The following RYR2 variants were observed in gnomAD, a reference collection of about 807,000 sequenced individuals.
RYR2 encodes the protein ryanodine receptor 2, also known as cardiac muscle ryanodine receptor-calcium release channel.
In RYR2, 227 loss-of-function variants were observed where a neutral mutation model predicts 601.1. The observed-to-expected ratio is 0.38, with a 90% CI of 0.34 to 0.42. The LOEUF (loss-of-function observed/expected upper bound fraction) is 0.42. Ranked by LOEUF, RYR2 falls within the 10% of genes least tolerant of loss-of-function variation. RYR2 has a pLI of 1.00. For synonymous variants in RYR2, 2,223 were observed against 2,175.1 expected, an observed-to-expected ratio of 1.02 and a Z score of -0.61; for missense variants, 4,646 against 6,156.5, an observed-to-expected ratio of 0.75 and a Z score of 8.21.
chr1:237,675,404 T>C (rs2148914385), intron 60 of RYR2, among the ~76,000 whole-genome samples: 1 of 152,296 alleles, frequency 6.6e-6, no homozygotes, highest in South Asian at 2.1e-4. Context: ...GCACAGATGA[T>C]GAAAGCAGCC....
At chr1:237,623,903 T>C in intron 39 of RYR2, 33 bp downstream of exon 39, 1 of 1,380,726 alleles carries the variant, frequency 7.2e-7, no homozygotes, top group Non-Finnish European at 1.0e-6. Context: ...CTTTTATTAA[T>C]TGTATGTTTT....
At chr1:237,753,540 T>G (rs1692703300) in intron 80 of RYR2, among the ~76,000 whole-genome samples, 1 of 152,192 alleles carries the variant, frequency 6.6e-6, no homozygotes, top group South Asian at 2.1e-4. Context: ...TGGAAAAACC[T>G]CCTAACAAGC....
chr1:237,255,932 A>G (rs1252946258), intron 1 of RYR2, among the ~76,000 whole-genome samples: 1 of 151,506 alleles, frequency 6.6e-6, no homozygotes, highest in African/African-American at 2.4e-5. Flanking sequence ...GCCAAGGGGG[A>G]CACAGGAGTG....
At chr1:237,739,227 T>G (rs973193694) in intron 79 of RYR2, among the ~76,000 whole-genome samples, 1 of 152,214 alleles carries the variant, frequency 6.6e-6, no homozygotes, top group Non-Finnish European at 1.5e-5. Context: ...TTTACATCTT[T>G]GTATCTTTCA....
chr1:237,548,596 T>A lies in RYR2; in HGVS notation c.3066+6T>A. The A allele has an allele frequency of 6.2e-7, 1 of 1,613,232 alleles. No homozygotes were observed. The highest frequency in any genetic ancestry group is 8.5e-7 in the Non-Finnish European group (1 of 1,179,498). ...GGACTTATGGCATCCAACAGGTACA[T>A]GGGAATTAGCATTTGGTCTGAGACT... On this transcript the variant is annotated splice_donor_region_variant and intron_variant, in intron 26 of 104. Coordinates refer to ENST00000366574, the MANE Select transcript of RYR2 (RefSeq NM_001035.3).
At chr1:237,425,909 T>G (rs1409239597) in intron 12 of RYR2, among the ~76,000 whole-genome samples, 1 of 152,120 alleles carries the variant, frequency 6.6e-6, no homozygotes, top group East Asian at 1.9e-4. Flanking sequence ...TGAGGATGTA[T>G]AGTAGGTATT....
intron 11 of RYR2, among the ~76,000 whole-genome samples, chr1:237,421,171 G>A (rs918968664): frequency 2.3e-4 from 35 of 152,274 alleles, no homozygotes; most frequent in African/African-American, 6.7e-4. Flanking sequence ...CCCGGGAGGC[G>A]GAGTTTACAG....
chr1:237,249,306 T>A (rs1021904675), intron 1 of RYR2, among the ~76,000 whole-genome samples: 20 of 152,152 alleles, frequency 1.3e-4, no homozygotes, highest in African/African-American at 4.6e-4. Context: ...CTTCCATGAG[T>A]CATACTGACC....
chr1:237,269,459 A>C (rs1377484935), intron 1 of RYR2, among the ~76,000 whole-genome samples: 1 of 151,794 alleles, frequency 6.6e-6, no homozygotes, highest in Admixed American at 6.6e-5. Flanking sequence ...AAGGGCTTCT[A>C]GAATATACTT....
intron 58 of RYR2, 140 bp from the exon 59 acceptor site, chr1:237,673,956 G>A (rs907621428): frequency 3.6e-6 from 2 of 551,570 alleles, no homozygotes; most frequent in Admixed American, 3.3e-5. Flanking sequence ...AAAGGCAGTA[G>A]AGGCAGAAGA....
In RYR2 at chr1:237,371,344, T is replaced by C. The variant is rs148850485; in HGVS notation, c.384+1736T>C. ...CTAATTTTTAAATTTATTGTAGAGA[T>C]GGGAGTCTCACCATCTTTCCTAAGC... On this transcript the variant is annotated intron_variant, in intron 6 of 104. Coordinates refer to ENST00000366574, the MANE Select transcript of RYR2 (RefSeq NM_001035.3). 2.6e-5 allele frequency among the ~76,000 whole-genome samples: 4 copies of C among 152,004 alleles called. No homozygotes were observed. In the East Asian group the frequency reaches 7.8e-4, roughly 30 times the overall value.
At chr1:237,532,735 G>A (rs913859363) in intron 25 of RYR2, among the ~76,000 whole-genome samples, 3 of 152,186 alleles carry the variant, frequency 2.0e-5, no homozygotes, top group Admixed American at 6.5e-5. Context: ...AATGCTATGC[G>A]TGAGTGTGTG....
chr1:237,820,807 G>C (rs576459972), intron 101 of RYR2, among the ~76,000 whole-genome samples: 2 of 150,810 alleles, frequency 1.3e-5, no homozygotes, highest in African/African-American at 4.9e-5. Flanking sequence ...AGCGGTCTGA[G>C]GTTGACCTGG....
chr1:237,129,647 G>T (rs1671936983), intron 1 of RYR2, among the ~76,000 whole-genome samples: 1 of 149,944 alleles, frequency 6.7e-6, no homozygotes, highest in African/African-American at 2.4e-5. Flanking sequence ...GTAGCATAAT[G>T]ATATATATAA....
At chr1:237,672,494 CTA>C (rs1685039679) in intron 58 of RYR2, among the ~76,000 whole-genome samples, 1 of 152,040 alleles carries the variant, frequency 6.6e-6, no homozygotes, top group Admixed American at 6.5e-5. Flanking sequence ...ACATAATTGT[CTA>C]TATGAGGTAC....
At chr1:237,109,582 C>A (rs112587166) in intron 1 of RYR2, among the ~76,000 whole-genome samples, 4,449 of 152,306 alleles carry the variant, frequency 0.029, 197 homozygotes, top group African/African-American at 0.096. Flanking sequence ...GAGGCCCCTG[C>A]AGCCTGTGGG....
chr1:237,499,902 G>A (rs1300093668), intron 20 of RYR2, among the ~76,000 whole-genome samples: 4 of 152,100 alleles, frequency 2.6e-5, no homozygotes, highest in African/African-American at 7.2e-5. Context: ...AGATGCTCTC[G>A]GGACGAATTA....
At chr1:237,321,247 TA>T (rs1426981946) in intron 2 of RYR2, among the ~76,000 whole-genome samples, 3 of 152,206 alleles carry the variant, frequency 2.0e-5, no homozygotes, top group African/African-American at 7.2e-5. Flanking sequence ...TAGCTATTAT[TA>T]CTTGTATAAT....
chr1:237,129,618 A>G (rs900690784), intron 1 of RYR2, among the ~76,000 whole-genome samples: 3 of 151,480 alleles, frequency 2.0e-5, no homozygotes, highest in African/African-American at 4.8e-5. Context: ...TGGGTAAAGT[A>G]TGAGATATAT....
Sources: gnomAD v4.1 joint callset for allele counts (sites outside exome capture counted in the v4.1 genomes callset) on GRCh38, gnomAD v4.1.1 for gene constraint, MANE v1.5 for transcripts, NCBI Gene and HGNC (gene_info 2026-07-23, HGNC 2026-07-21) for gene names.